Variants in SLC35F1 observed in about 807,000 individuals in gnomAD.
The protein encoded by SLC35F1 is chromosome 6 open reading frame 169.
Under a neutral mutation model 48.7 loss-of-function variants are expected in SLC35F1, and 14 were observed. That is an observed-to-expected ratio of 0.29 (90% CI 0.19 to 0.45). The LOEUF (loss-of-function observed/expected upper bound fraction) is 0.45, where lower values mean the gene tolerates loss of function less well. Ranked by LOEUF, SLC35F1 falls within the 20% of genes least tolerant of loss-of-function variation. The pLI is 1.00. For missense variants in SLC35F1, 404 were observed against 500.0 expected (o/e 0.81, Z 1.83); for synonymous variants, 190 against 202.2 (o/e 0.94, Z 0.51).
chr6:118,302,614 T>C (rs1776266755), intron 7 of SLC35F1, among the ~76,000 whole-genome samples: 1 of 152,184 alleles, frequency 6.6e-6, no homozygotes, highest in Admixed American at 6.5e-5. Flanking sequence ...CTCTAGATTT[T>C]GAGGGCAAAA....
At chr6:118,188,429 A>T (rs935644406) in intron 2 of SLC35F1, among the ~76,000 whole-genome samples, 2 of 152,248 alleles carry the variant, frequency 1.3e-5, no homozygotes, top group East Asian at 3.9e-4. Context: ...ATGCACCTGT[A>T]ATCCCAGCTA....
intron 1 of SLC35F1, among the ~76,000 whole-genome samples, chr6:117,982,779 G>A (rs755389712): frequency 7.2e-5 from 11 of 152,118 alleles, no homozygotes; most frequent in South Asian, 2.1e-4. Context: ...GAATGAATAC[G>A]GATCTGACAC....
chr6:118,277,014 A>G (rs377324590), intron 5 of SLC35F1, among the ~76,000 whole-genome samples: 1 of 152,162 alleles, frequency 6.6e-6, no homozygotes, highest in East Asian at 1.9e-4. Flanking sequence ...CATGGATCTC[A>G]CCGGATCTCT....
At chr6:118,021,704 G>A (rs186115517) in intron 1 of SLC35F1, among the ~76,000 whole-genome samples, 32 of 152,282 alleles carry the variant, frequency 2.1e-4, no homozygotes, top group African/African-American at 7.2e-4. Flanking sequence ...AAGACATAAT[G>A]GCTTAAGACA....
At chr6:118,076,993 T>C (rs1772831698) in intron 1 of SLC35F1, among the ~76,000 whole-genome samples, 1 of 152,226 alleles carries the variant, frequency 6.6e-6, no homozygotes, top group Non-Finnish European at 1.5e-5. Flanking sequence ...GCCTCTTTCG[T>C]CTTCTCCATC....
intron 2 of SLC35F1, among the ~76,000 whole-genome samples, chr6:118,190,844 C>A (rs181066334): frequency 2.0e-5 from 3 of 152,188 alleles, no homozygotes; most frequent in East Asian, 3.9e-4. Flanking sequence ...TTTTGTTAAT[C>A]CCCTACAACT....
intron 1 of SLC35F1, among the ~76,000 whole-genome samples, chr6:117,999,991 T>C (rs1331227188): frequency 7.9e-5 from 12 of 151,430 alleles, no homozygotes; most frequent in Non-Finnish European, 1.8e-4. Context: ...CAGGACCAGA[T>C]GGATTCACAG....
At chr6:117,976,981 CAATTT>C (rs1345248112) in intron 1 of SLC35F1, among the ~76,000 whole-genome samples, 2 of 152,116 alleles carry the variant, frequency 1.3e-5, no homozygotes, top group Non-Finnish European at 2.9e-5. Context: ...GTTTTAACTG[CAATTT>C]TAATGACTGT....
chr6:118,091,183 A>C (rs1773068243), intron 1 of SLC35F1, among the ~76,000 whole-genome samples: 1 of 152,212 alleles, frequency 6.6e-6, no homozygotes, highest in Admixed American at 6.5e-5. Flanking sequence ...ACTTAGTAAT[A>C]TGAGATTCCT....
At chr6:118,027,811 G>A (rs1582626809) in intron 1 of SLC35F1, among the ~76,000 whole-genome samples, 4 of 152,148 alleles carry the variant, frequency 2.6e-5, no homozygotes, top group Middle Eastern at 3.4e-3. Flanking sequence ...GTTTGATGAA[G>A]TCCAATTTGT....
chr6:118,166,631 A>G (rs1472784294), intron 2 of SLC35F1, among the ~76,000 whole-genome samples: 1 of 152,196 alleles, frequency 6.6e-6, no homozygotes, highest in Non-Finnish European at 1.5e-5. Flanking sequence ...TTCAACAGAG[A>G]AATGTGTGGG....
chr6:117,933,377 A>C (rs1582571227), intron 1 of SLC35F1, among the ~76,000 whole-genome samples: 1 of 152,196 alleles, frequency 6.6e-6, no homozygotes, highest in African/African-American at 2.4e-5. Flanking sequence ...CAACACACTT[A>C]AGGGACTCCC....
chr6:118,088,243 C>A (rs990817349), intron 1 of SLC35F1, among the ~76,000 whole-genome samples: 5 of 152,146 alleles, frequency 3.3e-5, no homozygotes, highest in African/African-American at 9.7e-5. Flanking sequence ...GGTGAAGTAT[C>A]CTTTTATACA....
At chr6:118,181,843 C>T (rs75407043) in intron 2 of SLC35F1, among the ~76,000 whole-genome samples, 2,174 of 152,184 alleles carry the variant, frequency 0.014, 58 homozygotes, top group African/African-American at 0.049. Context: ...TGATAAGACT[C>T]ACTACCTATT....
chr6:118,110,883 C>G (rs1269325231), intron 1 of SLC35F1, among the ~76,000 whole-genome samples: 1 of 151,922 alleles, frequency 6.6e-6, no homozygotes, highest in South Asian at 2.1e-4. Flanking sequence ...TTGTGGAAGG[C>G]AAGAGGGTGC....
intron 3 of SLC35F1, among the ~76,000 whole-genome samples, chr6:118,247,936 T>C (rs555600939): frequency 1.3e-5 from 2 of 152,386 alleles, no homozygotes; most frequent in African/African-American, 4.8e-5. Flanking sequence ...GAAAGTATTA[T>C]CTAGCATAAT....
At chr6:118,199,301 G>A (rs893252324) in intron 2 of SLC35F1, among the ~76,000 whole-genome samples, 3 of 152,204 alleles carry the variant, frequency 2.0e-5, no homozygotes, top group Non-Finnish European at 4.4e-5. Flanking sequence ...AGGTCATCTG[G>A]GGACTTGTAC....
intron 1 of SLC35F1, among the ~76,000 whole-genome samples, chr6:117,994,840 C>A (rs1776964298): frequency 6.6e-6 from 1 of 152,130 alleles, no homozygotes; most frequent in Admixed American, 6.6e-5. Flanking sequence ...CTTATTGAAT[C>A]ATTTCTGTGT....
chr6:117,929,076 C>A (rs190153642), intron 1 of SLC35F1, among the ~76,000 whole-genome samples: 3 of 152,086 alleles, frequency 2.0e-5, no homozygotes, highest in African/African-American at 7.2e-5. Flanking sequence ...ATGCAAGAAC[C>A]CTCACCCATC....
Sources: allele counts gnomAD v4.1 joint callset (sites outside exome capture counted in the v4.1 genomes callset), GRCh38; gene constraint gnomAD v4.1.1; transcripts MANE v1.5; gene names NCBI Gene and HGNC (gene_info 2026-07-23, HGNC 2026-07-21).